The following RPS6KA5 variants were observed in gnomAD, a reference collection of about 807,000 sequenced individuals.
The protein encoded by RPS6KA5 is ribosomal protein S6 kinase A5.
In RPS6KA5, 27 loss-of-function variants were observed where a neutral mutation model predicts 85.5. The observed-to-expected ratio is 0.32, with a 90% CI of 0.23 to 0.44. The LOEUF is 0.44. Ranked by LOEUF, RPS6KA5 falls within the 20% of genes least tolerant of loss-of-function variation. RPS6KA5 has a pLI of 1.00. For synonymous variants in RPS6KA5, 334 were observed against 348.2 expected, an observed-to-expected ratio of 0.96 and a Z score of 0.46; for missense variants, 811 against 980.9, an observed-to-expected ratio of 0.83 and a Z score of 2.31.
chr14:90,904,994 T>G (rs1420354831), intron 8 of RPS6KA5, among the ~76,000 whole-genome samples: 1 of 152,180 alleles, frequency 6.6e-6, no homozygotes, highest in East Asian at 1.9e-4. Flanking sequence ...AACAAGATAT[T>G]TGAAAGTTTG....
At chr14:91,006,406 G>C (rs2041020359) in intron 1 of RPS6KA5, among the ~76,000 whole-genome samples, 2 of 152,156 alleles carry the variant, frequency 1.3e-5, no homozygotes, top group Admixed American at 6.5e-5. Flanking sequence ...CCAAAGTGAT[G>C]GTATTTAGAG....
At chr14:90,880,831 CT>C (rs560458875) in intron 14 of RPS6KA5, among the ~76,000 whole-genome samples, 281 of 132,426 alleles carry the variant, frequency 2.1e-3, no homozygotes, top group East Asian at 3.5e-3. Flanking sequence ...CTTTTGTAAA[CT>C]TTTTTTTTTT....
chr14:91,050,284 G>A (rs117858554), intron 1 of RPS6KA5, among the ~76,000 whole-genome samples: 4,463 of 152,254 alleles, frequency 0.029, 107 homozygotes, highest in Middle Eastern at 0.092. Context: ...GGGAGGCTGA[G>A]GCAGAAGGTT....
At chr14:90,983,875 TG>T (rs2039942193) in intron 2 of RPS6KA5, among the ~76,000 whole-genome samples, 1 of 143,828 alleles carries the variant, frequency 7.0e-6, no homozygotes, top group African/African-American at 2.6e-5. Flanking sequence ...GACCAAGTCT[TG>T]CTCTGTCGCC....
chr14:90,887,901 T>C (rs1179480991), intron 14 of RPS6KA5, among the ~76,000 whole-genome samples: 1 of 127,242 alleles, frequency 7.9e-6, no homozygotes, highest in Non-Finnish European at 1.5e-5. Context: ...TGAGCTATGA[T>C]GGTGCCACTG....
At chr14:90,935,187 C>T (rs1174912159) in intron 5 of RPS6KA5, among the ~76,000 whole-genome samples, 10 of 152,014 alleles carry the variant, frequency 6.6e-5, no homozygotes, top group Non-Finnish European at 1.0e-4. Flanking sequence ...TTATGGAGCC[C>T]GACCCTTACC....
rs578230507 is a variant in RPS6KA5 at position 90,967,978 on chromosome 14, T to C, written c.394+10328A>G. ...CTCCTTACCCACTGTTCCCTTCATA[T>C]TGCTGCTATAGGAAGTTACCACAGA... On this transcript the variant is annotated intron_variant, in intron 3 of 16. Transcript: ENST00000614987. Among the ~76,000 whole-genome samples, 29 of 152,330 alleles carry C rather than the reference T, an allele frequency of 1.9e-4. 1 individual carries two copies. Among genetic ancestry groups the C allele is most frequent in the Admixed American group, 3.3e-4 (5 of 15,308 alleles).
intron 1 of RPS6KA5, among the ~76,000 whole-genome samples, chr14:91,044,269 G>C (rs2042720710): frequency 8.9e-4 from 11 of 12,330 alleles, no homozygotes; most frequent in Admixed American, 6.0e-3. Flanking sequence ...GAGGGAGAGA[G>C]AGAGAAAGAA....
chr14:91,010,650 C>A (rs1325103920), intron 1 of RPS6KA5, among the ~76,000 whole-genome samples: 1 of 151,942 alleles, frequency 6.6e-6, no homozygotes, highest in Non-Finnish European at 1.5e-5. Flanking sequence ...GATGGAAAAA[C>A]AAAACAATAA....
intron 3 of RPS6KA5, among the ~76,000 whole-genome samples, chr14:90,968,329 C>G (rs1041712009): frequency 6.6e-5 from 10 of 152,266 alleles, no homozygotes; most frequent in Non-Finnish European, 1.3e-4. Context: ...GTGTAAGGAC[C>G]CTTGTGGTTA....
chr14:90,909,522 C>A (rs1227936877), intron 7 of RPS6KA5, among the ~76,000 whole-genome samples: 13 of 152,002 alleles, frequency 8.6e-5, no homozygotes, highest in Admixed American at 8.5e-4. Flanking sequence ...CGGAAAGACT[C>A]CTTTCAAAAA....
At chr14:91,058,056 T>C (rs1018549) in intron 1 of RPS6KA5, among the ~76,000 whole-genome samples, 66,782 of 152,078 alleles carry the variant, frequency 0.44, 14,801 homozygotes, top group Middle Eastern at 0.62. Context: ...GATGCTTATC[T>C]ACATTCTGAG....
At chr14:90,948,513 G>A (rs919878483) in intron 3 of RPS6KA5, among the ~76,000 whole-genome samples, 3 of 152,036 alleles carry the variant, frequency 2.0e-5, no homozygotes, top group Non-Finnish European at 4.4e-5. Flanking sequence ...TGGCTAACAC[G>A]GTGAAACCCC....
At position 90,860,644 on chromosome 14, in the gene RPS6KA5, A is replaced by G. The variant is rs1354334604; in HGVS notation, c.*11430T>C. 6.6e-6 allele frequency: 1 copy of G among 152,218 alleles called. No homozygotes were observed. The highest frequency in any genetic ancestry group is 1.5e-5 in the Non-Finnish European group (1 of 68,046). The allele number at this position is 152,218 out of a possible 1,614,324, so 9.4% of individuals were successfully genotyped here. A position where few individuals can be genotyped will look rare whatever the true frequency, so the allele number is the denominator to read the frequency against. On this transcript the variant is annotated 3_prime_UTR_variant, in exon 17 of 17. Transcript: ENST00000614987. ...ATCTGAATGGAATGATTAGATGGGT[A>G]TATTACATGATACATGAATTTTATC...
intron 5 of RPS6KA5, among the ~76,000 whole-genome samples, chr14:90,942,218 T>C (rs1434082510): frequency 6.6e-6 from 1 of 152,196 alleles, no homozygotes; most frequent in East Asian, 1.9e-4. Context: ...CTAGGACTGC[T>C]TTAGCAATAT....
intron 8 of RPS6KA5, among the ~76,000 whole-genome samples, chr14:90,904,854 T>C (rs1273145951): frequency 1.3e-5 from 2 of 152,192 alleles, no homozygotes; most frequent in Non-Finnish European, 2.9e-5. Flanking sequence ...TTCTCTAATA[T>C]GAAAGACATC....
rs1019785519 is a variant in RPS6KA5, at chr14:90,881,753, G to A, written c.1837-6393C>T. Among the ~76,000 whole-genome samples, 6 of 152,112 alleles carry A rather than the reference G, an allele frequency of 3.9e-5. No individual in the cohort carries two copies. The South Asian group carries it at 8.3e-4, about 21-fold the overall frequency. On this transcript the variant is annotated intron_variant, in intron 14 of 16. Transcript: ENST00000614987. ...TGACCTCAAGCGACTCGCCTGCCTC[G>A]GCCTCCCAAAGTGCTGGGATTACAG...
At chr14:90,960,090 A>G (rs552455141) in intron 3 of RPS6KA5, among the ~76,000 whole-genome samples, 6 of 152,106 alleles carry the variant, frequency 3.9e-5, no homozygotes, top group Admixed American at 6.5e-5. Flanking sequence ...TGGCTTAACT[A>G]TCCTAGAGAT....
At chr14:90,936,358 G>C (rs886421369) in intron 5 of RPS6KA5, among the ~76,000 whole-genome samples, 5 of 152,088 alleles carry the variant, frequency 3.3e-5, no homozygotes, top group African/African-American at 1.2e-4. Flanking sequence ...TTTGAGATCA[G>C]TCCAAGACCA....
Sources: gnomAD v4.1 joint callset for allele counts (sites outside exome capture counted in the v4.1 genomes callset) on GRCh38, gnomAD v4.1.1 for gene constraint, MANE v1.5 for transcripts, NCBI Gene and HGNC (gene_info 2026-07-23, HGNC 2026-07-21) for gene names.